Variants in EPHA5 observed in about 807,000 individuals in gnomAD.
EPHA5 encodes the protein EPH receptor A5, also known as ephrin type-A receptor 5.
In EPHA5, 60 loss-of-function variants were observed where a neutral mutation model predicts 105.0. The ratio of observed to expected loss-of-function variants is 0.57; its 90% CI spans 0.46 to 0.71. The LOEUF is 0.71. EPHA5 is among the 30% of genes least tolerant of loss of function. The pLI is 0.00. For synonymous variants in EPHA5, 513 were observed against 449.1 expected, an observed-to-expected ratio of 1.14 and a Z score of -1.80; for missense variants, 1,218 against 1,274.7, an observed-to-expected ratio of 0.96 and a Z score of 0.68.
At chr4:65,357,441 T>C (rs1723408208) in intron 11 of EPHA5, among the ~76,000 whole-genome samples, 2 of 151,570 alleles carry the variant, frequency 1.3e-5, no homozygotes, top group African/African-American at 4.8e-5. Flanking sequence ...TTTGTGTTAA[T>C]ACAAACTTGG....
At chr4:65,617,148 C>A (rs1401015064) in intron 2 of EPHA5, among the ~76,000 whole-genome samples, 3 of 151,962 alleles carry the variant, frequency 2.0e-5, no homozygotes, top group Non-Finnish European at 4.4e-5. Context: ...GCTAAGAGAC[C>A]ACACTTATTC....
chr4:65,589,110 C>T (rs181586629), intron 3 of EPHA5, among the ~76,000 whole-genome samples: 1 of 152,164 alleles, frequency 6.6e-6, no homozygotes, highest in East Asian at 1.9e-4. Flanking sequence ...ACAGTGGAAA[C>T]ATTTTTTAGT....
At chr4:65,448,749 G>C (rs541385269) in intron 5 of EPHA5, among the ~76,000 whole-genome samples, 1 of 152,126 alleles carries the variant, frequency 6.6e-6, no homozygotes, top group Non-Finnish European at 1.5e-5. Flanking sequence ...AAAGAGCCAT[G>C]TATATGTGAG....
intron 6 of EPHA5, among the ~76,000 whole-genome samples, chr4:65,415,371 A>C (rs1723293046): frequency 1.3e-5 from 2 of 152,240 alleles, no homozygotes; most frequent in African/African-American, 4.8e-5. Flanking sequence ...ATAAACTACA[A>C]TATATGTTTT....
chr4:65,527,666 T>A (rs548481656), intron 3 of EPHA5, among the ~76,000 whole-genome samples: 53 of 152,150 alleles, frequency 3.5e-4, no homozygotes, highest in African/African-American at 1.3e-3. Context: ...GGAAGTAAAG[T>A]TCTGGGTATC....
At chr4:65,448,958 T>C (rs1361657198) in intron 5 of EPHA5, among the ~76,000 whole-genome samples, 2 of 152,146 alleles carry the variant, frequency 1.3e-5, no homozygotes, top group Non-Finnish European at 1.5e-5. Context: ...CATATCTTTA[T>C]ATCACACTCC....
chr4:65,622,628 G>C (rs1228293077), intron 2 of EPHA5, among the ~76,000 whole-genome samples: 1 of 151,932 alleles, frequency 6.6e-6, no homozygotes, highest in East Asian at 1.9e-4. Context: ...CCAATTTTTG[G>C]TATTATAATT....
chr4:65,373,533 T>G (rs10002920), intron 8 of EPHA5, among the ~76,000 whole-genome samples: 9,518 of 151,950 alleles, frequency 0.063, 600 homozygotes, highest in African/African-American at 0.16. Flanking sequence ...AAAATATATT[T>G]AAAAATTAGG....
chr4:65,523,794 T>C (rs1228843013), intron 3 of EPHA5, among the ~76,000 whole-genome samples: 1 of 151,894 alleles, frequency 6.6e-6, no homozygotes, highest in Non-Finnish European at 1.5e-5. Flanking sequence ...GACTAAGAGA[T>C]TTGAATACAT....
At chr4:65,366,507 T>A (rs1717924366) in intron 9 of EPHA5, among the ~76,000 whole-genome samples, 3 of 151,916 alleles carry the variant, frequency 2.0e-5, no homozygotes. Context: ...AAGGCTGACA[T>A]ATAAGTCAAA....
intron 8 of EPHA5, among the ~76,000 whole-genome samples, chr4:65,392,943 T>C (rs1389258705): frequency 1.3e-5 from 2 of 152,136 alleles, no homozygotes; most frequent in African/African-American, 4.8e-5. Context: ...AGAGAAGATA[T>C]TTACACAATG....
intron 5 of EPHA5, among the ~76,000 whole-genome samples, chr4:65,475,415 T>TA (rs1414844627): frequency 6.6e-6 from 1 of 152,138 alleles, no homozygotes; most frequent in Non-Finnish European, 1.5e-5. Context: ...GTTTAGAATC[T>TA]AATAAAGGAC....
intron 5 of EPHA5, among the ~76,000 whole-genome samples, chr4:65,482,419 C>G (rs1160057815): frequency 6.6e-6 from 1 of 151,688 alleles, no homozygotes; most frequent in African/African-American, 2.4e-5. Flanking sequence ...TTTAAAAAAA[C>G]TCTATAATTT....
intron 6 of EPHA5, among the ~76,000 whole-genome samples, chr4:65,419,412 T>C (rs1323382766): frequency 6.6e-6 from 1 of 152,178 alleles, no homozygotes; most frequent in African/African-American, 2.4e-5. Context: ...GTGATGTCTC[T>C]GTGAGTCTGG....
At chr4:65,428,399 C>T (rs528357880) in intron 5 of EPHA5, among the ~76,000 whole-genome samples, 1 of 152,026 alleles carries the variant, frequency 6.6e-6, no homozygotes, top group Non-Finnish European at 1.5e-5. Context: ...ACAGTGCATT[C>T]TCAACACACT....
chr4:65,621,849 G>C (rs1434003444), intron 2 of EPHA5, among the ~76,000 whole-genome samples: 1 of 151,988 alleles, frequency 6.6e-6, no homozygotes, highest in South Asian at 2.1e-4. Flanking sequence ...GCATCCCTAC[G>C]TATGTCTGTG....
At chr4:65,457,005 T>G (rs1481785776) in intron 5 of EPHA5, among the ~76,000 whole-genome samples, 1 of 152,076 alleles carries the variant, frequency 6.6e-6, no homozygotes, top group Non-Finnish European at 1.5e-5. Flanking sequence ...ATAATGCAAA[T>G]CTGCATAACT....
intron 8 of EPHA5, among the ~76,000 whole-genome samples, chr4:65,391,905 A>G (rs898964336): frequency 6.6e-6 from 1 of 152,114 alleles, no homozygotes; most frequent in Non-Finnish European, 1.5e-5. Context: ...AGTGATATTA[A>G]CTTGTTGTTT....
In EPHA5 at chr4:65,487,750, T is replaced by A. The variant is rs564908803; in HGVS notation, c.1402+2627A>T. Among the ~76,000 whole-genome samples the A allele has an allele frequency of 8.3e-4, 127 of 152,266 alleles. 1 individual carries two copies. The highest frequency in any genetic ancestry group is 3.4e-3 in the Middle Eastern group (1 of 294). On this transcript the variant is annotated intron_variant, in intron 5 of 16. Coordinates refer to ENST00000613740, the MANE Select transcript of EPHA5 (RefSeq NM_001281766.3). ...GCCCACCAAACTATCTTTAAAAAAC[T>A]CTAGCCTCTGACTTTTGACAGAGCT...
Sources: gnomAD v4.1 joint callset for allele counts (sites outside exome capture counted in the v4.1 genomes callset) on GRCh38, gnomAD v4.1.1 for gene constraint, MANE v1.5 for transcripts, NCBI Gene and HGNC (gene_info 2026-07-23, HGNC 2026-07-21) for gene names.